Variants in SENP6 observed in about 807,000 individuals in gnomAD.
SENP6 encodes the protein SUMO specific peptidase 6.
In SENP6, 41 loss-of-function variants were observed where a neutral mutation model predicts 134.5. The ratio of observed to expected loss-of-function variants is 0.30; its 90% CI spans 0.24 to 0.40. The LOEUF (loss-of-function observed/expected upper bound fraction) is 0.40. Ranked by LOEUF, SENP6 falls within the 10% of genes least tolerant of loss-of-function variation. The pLI, the probability that SENP6 is intolerant of heterozygous loss-of-function variation, is 1.00. For synonymous variants in SENP6, 395 were observed against 429.8 expected, an observed-to-expected ratio of 0.92 and a Z score of 1.00; for missense variants, 1,248 against 1,312.5, an observed-to-expected ratio of 0.95 and a Z score of 0.76.
chr6:75,651,551 C>T (rs1028783387), intron 7 of SENP6, among the ~76,000 whole-genome samples: 29 of 152,082 alleles, frequency 1.9e-4, no homozygotes, highest in Admixed American at 5.9e-4. Context: ...AAGGTTTCAC[C>T]GTGTTGCCCA....
chr6:75,695,909 A>G lies in SENP6; in HGVS notation c.2181A>G (p.Glu727=). 2 of 1,601,578 alleles carry G rather than the reference A, an allele frequency of 1.2e-6. No homozygotes were observed. The highest frequency in any genetic ancestry group is 1.7e-6 in the Non-Finnish European group (2 of 1,175,626). Reference sequence around the variant, plus strand: ...ATCAGAGAGAGAGGAGAAATCATGAAACAACTAATCTGTCGTAAGTCAAAC... The same window carrying G: ...ATCAGAGAGAGAGGAGAAATCATGAGACAACTAATCTGTCGTAAGTCAAAC... The part of the protein sequence containing the change: ...RLNQRERRNH[E]TTNLSIQQKR... The change falls in exon 17 of 24, where the codon GAA becomes GAG. Residue 727 remains glutamate, a synonymous_variant. Transcript: ENST00000447266.
At chr6:75,605,300 A>T (rs982581221) in intron 1 of SENP6, among the ~76,000 whole-genome samples, 11 of 152,212 alleles carry the variant, frequency 7.2e-5, no homozygotes, top group African/African-American at 2.7e-4. Flanking sequence ...ACCACGGTGA[A>T]GTGCATAAGA....
At position 75,702,920 on chromosome 6, in the gene SENP6, G is replaced by A; in HGVS notation, c.2564G>A (p.Cys855Tyr). Residue 855 changes from cysteine (C) to tyrosine (Y), a missense_variant, in exon 19 of 24, where the codon TGC becomes TAC. Coordinates refer to ENST00000447266, the MANE Select transcript of SENP6 (RefSeq NM_015571.4). ...ESDPRYKRNI[C>Y]SVKYSVKKIN... is the part of the protein sequence containing the mutation. ...GACCCTCGTTATAAGAGAAACATAT[G>A]CAGTGTAAAATACAGTGTGAAAAAA... 1 of 1,614,088 alleles carries A rather than the reference G, an allele frequency of 6.2e-7. No individual in the cohort carries two copies. Among genetic ancestry groups the A allele is most frequent in the Non-Finnish European group, 8.5e-7 (1 of 1,180,004 alleles).
At chr6:75,631,278 T>A (rs75662311) in intron 3 of SENP6, among the ~76,000 whole-genome samples, 1 of 152,308 alleles carries the variant, frequency 6.6e-6, no homozygotes, top group East Asian at 1.9e-4. Flanking sequence ...CATGATGTGA[T>A]AATTTTGGGT....
At chr6:75,682,733 A>G (rs894195057) in intron 16 of SENP6, among the ~76,000 whole-genome samples, 1 of 152,080 alleles carries the variant, frequency 6.6e-6, no homozygotes, top group African/African-American at 2.4e-5. Flanking sequence ...AAGGACATGA[A>G]CTCATCCTTT....
At chr6:75,682,405 C>T (rs984709970) in intron 16 of SENP6, among the ~76,000 whole-genome samples, 2 of 146,644 alleles carry the variant, frequency 1.4e-5, no homozygotes, top group Non-Finnish European at 3.0e-5. Context: ...GGATTATATT[C>T]TTTTTTTTTT....
intron 18 of SENP6, among the ~76,000 whole-genome samples, chr6:75,701,633 C>CTTTTTTTTTTTTTTTTTTTTTTTTTTTT (rs60715314): frequency 1.2e-5 from 1 of 80,114 alleles, no homozygotes; most frequent in Non-Finnish European, 2.2e-5. Flanking sequence ...ACAGTTTAAT[C>CTTTTTTTTTTTTTTTTTTTTTTTTTTTT]TTTTTTTTTT....
intron 18 of SENP6, among the ~76,000 whole-genome samples, chr6:75,702,008 G>C (rs941169101): frequency 1.3e-5 from 2 of 151,942 alleles, no homozygotes; most frequent in Non-Finnish European, 2.9e-5. Context: ...GGGGAATGAC[G>C]AGTTGCAAAG....
intron 23 of SENP6, 27 bp downstream of exon 23, chr6:75,713,852 A>G (rs751021139): frequency 4.1e-6 from 6 of 1,476,292 alleles, no homozygotes; most frequent in Middle Eastern, 1.8e-4. Context: ...TGGATCTGCT[A>G]TAATAAATAA....
At chr6:75,634,105 C>T (rs1769322922) in intron 4 of SENP6, among the ~76,000 whole-genome samples, 1 of 152,066 alleles carries the variant, frequency 6.6e-6, no homozygotes, top group South Asian at 2.1e-4. Flanking sequence ...CTTATTCCTC[C>T]TTTTTACAAT....
rs1186862442 is a variant in SENP6, at chr6:75,690,451, A to G, written c.2076-5353A>G. Among the ~76,000 whole-genome samples the G allele has an allele frequency of 3.3e-5, 5 of 152,360 alleles. No individual in the cohort carries two copies. The East Asian group carries it at 5.8e-4, about 18-fold the overall frequency. On this transcript the variant is annotated intron_variant, in intron 16 of 23. Transcript: ENST00000447266. The stretch of plus-strand genomic sequence containing the variant: ...AGCACAGTAAGTCAGTCACAAAAGT[A>G]TGATTTCTGTTATATGAGGTATCTA...
chr6:75,613,140 A>G (rs1767590881), intron 1 of SENP6, among the ~76,000 whole-genome samples: 1 of 151,784 alleles, frequency 6.6e-6, no homozygotes, highest in Non-Finnish European at 1.5e-5. Context: ...AAAGAAAACT[A>G]TGACCCAGCC....
chr6:75,666,152 CATATATG>C (rs1283292203), intron 9 of SENP6, among the ~76,000 whole-genome samples: 8 of 140,042 alleles, frequency 5.7e-5, no homozygotes, highest in Admixed American at 1.5e-4. Flanking sequence ...ATATATAAAA[CATATATG>C]ATATATATAT....
In SENP6 at chr6:75,670,547, T is replaced by C. The variant is rs775150574; in HGVS notation, c.1225-6T>C. The C allele has an allele frequency of 6.3e-7, 1 of 1,594,390 alleles. No individual in the cohort carries two copies. The highest frequency in any genetic ancestry group is 8.6e-7 in the Non-Finnish European group (1 of 1,167,432). ...TATTAAGTGAACATTTTCTTTTCCT[T>C]TTTAGTTTGGCAATTCTATTATCAA... On this transcript the variant is annotated splice_polypyrimidine_tract_variant and splice_region_variant and intron_variant, in intron 10 of 23. Coordinates refer to ENST00000447266, the MANE Select transcript of SENP6 (RefSeq NM_015571.4).
intron 9 of SENP6, among the ~76,000 whole-genome samples, chr6:75,664,402 G>A (rs537085936): frequency 6.6e-6 from 1 of 151,692 alleles, no homozygotes; most frequent in Non-Finnish European, 1.5e-5. Flanking sequence ...ACGTCTGTAT[G>A]TATATATATA....
intron 10 of SENP6, 92 bp downstream of exon 10, chr6:75,667,033 A>G: frequency 1.5e-6 from 1 of 667,200 alleles, no homozygotes; most frequent in Non-Finnish European, 2.6e-6. Flanking sequence ...AGTGCCAAGA[A>G]AAAATGATGG....
rs560409932 is a variant in SENP6 at position 75,716,564 on chromosome 6, A to C, written c.*970A>C. On this transcript the variant is annotated 3_prime_UTR_variant, in exon 24 of 24. Transcript: ENST00000447266. ...TTCTTCAGTGTAAATTATTTTTTACATGTAAAAGTACTGTATTCAACCAGT... is the reference window on the plus strand; with the variant it reads ...TTCTTCAGTGTAAATTATTTTTTACCTGTAAAAGTACTGTATTCAACCAGT... 1.3e-5 allele frequency: 2 copies of C among 152,004 alleles called. No individual in the cohort carries two copies. The highest frequency in any genetic ancestry group is 2.9e-5 in the Non-Finnish European group (2 of 67,872). The allele number at this position is 152,004 out of a possible 1,614,324, so 9.4% of individuals were successfully genotyped here.
chr6:75,635,264 G>A (rs1184332533), intron 5 of SENP6, among the ~76,000 whole-genome samples: 2 of 152,086 alleles, frequency 1.3e-5, no homozygotes, highest in Admixed American at 6.5e-5. Flanking sequence ...TTAGATTTAG[G>A]AGTTCTCATT....
chr6:75,614,865 T>C (rs751588268), intron 1 of SENP6, among the ~76,000 whole-genome samples: 2 of 152,126 alleles, frequency 1.3e-5, no homozygotes, highest in Non-Finnish European at 1.5e-5. Context: ...AGTGCCTTTC[T>C]ATTCCTGGTT....
Sources: allele counts gnomAD v4.1 joint callset (sites outside exome capture counted in the v4.1 genomes callset), GRCh38; gene constraint gnomAD v4.1.1; transcripts MANE v1.5; gene names NCBI Gene and HGNC (gene_info 2026-07-23, HGNC 2026-07-21).